PPARD: variants seen among roughly 807,000 people sequenced by gnomAD.
The protein encoded by PPARD is peroxisome proliferator-activated receptor delta.
PPARD carries 6 observed loss-of-function variants against 39.5 expected under a neutral mutation model. The observed-to-expected ratio is 0.15, with a 90% confidence interval of 0.08 to 0.30. The LOEUF (loss-of-function observed/expected upper bound fraction) is 0.30. Ranked by LOEUF, PPARD falls within the 10% of genes least tolerant of loss-of-function variation. PPARD has a pLI of 1.00. For missense variants in PPARD, 397 were observed against 596.8 expected (o/e 0.67, Z 3.49); for synonymous variants, 210 against 231.3 (o/e 0.91, Z 0.83).
chr6:35,348,265 TA>T (rs1452607199), intron 2 of PPARD: 17 of 849,448 alleles, frequency 2.0e-5, no homozygotes, highest in Non-Finnish European at 2.1e-5. Context: ...ATGATAATAG[TA>T]AAAAACAGAT....
At chr6:35,406,363 G>T (rs563526661) in intron 2 of PPARD, among the ~76,000 whole-genome samples, 26 of 152,322 alleles carry the variant, frequency 1.7e-4, no homozygotes, top group African/African-American at 6.3e-4. Flanking sequence ...AGGGGAGAGA[G>T]CCTAGGGGTC....
chr6:35,388,667 G>A (rs1581605065), intron 2 of PPARD, among the ~76,000 whole-genome samples: 1 of 151,670 alleles, frequency 6.6e-6, no homozygotes, highest in South Asian at 2.1e-4. Flanking sequence ...AGCCGAGATC[G>A]CGCCACTGCA....
chr6:35,425,400 A>T lies in PPARD; in HGVS notation c.1079-432A>T. 1 of 1,043,354 alleles carries T rather than the reference A, an allele frequency of 9.6e-7. No individual in the cohort carries two copies. Among genetic ancestry groups the T allele is most frequent in the Non-Finnish European group, 1.2e-6 (1 of 866,530 alleles). The allele number at this position is 1,043,354 out of a possible 1,614,324, so 64.6% of individuals were successfully genotyped here. A position where few individuals can be genotyped will look rare whatever the true frequency, so the allele number is the denominator to read the frequency against. On this transcript the variant is annotated intron_variant, in intron 7 of 7. Coordinates refer to ENST00000360694, the MANE Select transcript of PPARD (RefSeq NM_006238.5). This position sits in a 1 kb window ranked among gnomAD's most constrained non-coding sequence, Gnocchi z 4.5. ...AATACAATAATAACTATGCTAACTAACAGTGGTCTAGAGCTTACTTCATGC... is the reference window on the plus strand; with the variant it reads ...AATACAATAATAACTATGCTAACTATCAGTGGTCTAGAGCTTACTTCATGC...
At chr6:35,353,611 G>A (rs1406691567) in intron 2 of PPARD, among the ~76,000 whole-genome samples, 2 of 152,176 alleles carry the variant, frequency 1.3e-5, no homozygotes, top group Non-Finnish European at 2.9e-5. Flanking sequence ...TTTCAAATAC[G>A]CTTCAGTTTC....
At position 35,411,103 on chromosome 6, in the gene PPARD, G is replaced by A; in HGVS notation, c.16G>A (p.Glu6Lys). 1 of 1,562,670 alleles carries A rather than the reference G, an allele frequency of 6.4e-7. No individual in the cohort carries two copies. Among genetic ancestry groups the A allele is most frequent in the Non-Finnish European group, 8.7e-7 (1 of 1,153,566 alleles). ...GAGATCAGCCATGGAGCAGCCACAG[G>A]AGGAAGCCCCTGAGGTCCGGGAAGA... MEQPQ[E>K]EAPEVREEEE... Residue 6 changes from glutamate to lysine, a missense_variant, in exon 3 of 8, where the codon GAG becomes AAG. Glu to Lys is a moderately conservative substitution (Grantham distance 56). Coordinates refer to ENST00000360694, the MANE Select transcript of PPARD (RefSeq NM_006238.5).
chr6:35,401,466 T>G lies in PPARD; in HGVS notation c.-101-9521T>G, dbSNP rs533001224. 1.5e-4 allele frequency among the ~76,000 whole-genome samples: 23 copies of G among 152,150 alleles called. No individual in the cohort carries two copies. Among genetic ancestry groups the G allele is most frequent in the Non-Finnish European group, 2.8e-4 (19 of 68,024 alleles). Reference sequence around the variant, plus strand: ...CCTCCCCATCCTCTTCATAACCCCCTTGGCTCTCTGCTCCTCCCAGAATAA... The same window carrying G: ...CCTCCCCATCCTCTTCATAACCCCCGTGGCTCTCTGCTCCTCCCAGAATAA... On this transcript the variant is annotated intron_variant, in intron 2 of 7. Coordinates refer to ENST00000360694, the MANE Select transcript of PPARD (RefSeq NM_006238.5). This position sits in a 1 kb window ranked among gnomAD's most constrained non-coding sequence, Gnocchi z 4.1.
intron 2 of PPARD, among the ~76,000 whole-genome samples, chr6:35,382,883 G>T (rs1017879666): frequency 6.6e-6 from 1 of 152,192 alleles, no homozygotes; most frequent in African/African-American, 2.4e-5. Context: ...GAAGCATTCA[G>T]TATGTGTTGT....
intron 2 of PPARD, among the ~76,000 whole-genome samples, chr6:35,376,164 G>C (rs1762804791): frequency 6.6e-6 from 1 of 152,150 alleles, no homozygotes; most frequent in South Asian, 2.1e-4. Context: ...GCTTTACACA[G>C]AGTTTCTGTA....
chr6:35,388,080 A>T (rs1409907909), intron 2 of PPARD, among the ~76,000 whole-genome samples: 2 of 149,114 alleles, frequency 1.3e-5, no homozygotes, highest in Non-Finnish European at 3.0e-5. Context: ...TGTTAGGTGG[A>T]CTGTGGCTTA....
chr6:35,366,292 G>A lies in PPARD; in HGVS notation c.-102+19142G>A, dbSNP rs1194972353. Among the ~76,000 whole-genome samples, 1 of 151,714 alleles carries A rather than the reference G, an allele frequency of 6.6e-6. No homozygotes were observed. Among genetic ancestry groups the A allele is most frequent in the East Asian group, 1.9e-4 (1 of 5,200 alleles). On this transcript the variant is annotated intron_variant, in intron 2 of 7. Coordinates refer to ENST00000360694, the MANE Select transcript of PPARD (RefSeq NM_006238.5). This position sits in a 1 kb window ranked among gnomAD's most constrained non-coding sequence, Gnocchi z 4.6. ...AGCAAGTTGCAGTAAGGATAGGATT[G>A]GCCAAGGCAACAGATGGAGCCATGA...
chr6:35,423,998 G>T lies in PPARD; in HGVS notation c.477G>T (p.Gly159=). ...PEAEKRKLVA[G]LTANEGSQYN... is the part of the protein sequence containing the mutation. Reference sequence around the variant, plus strand: ...CTGAGAAGAGGAAGCTGGTGGCAGGGCTGACTGCAAACGAGGGGAGCCAGT... The same window carrying T: ...CTGAGAAGAGGAAGCTGGTGGCAGGTCTGACTGCAAACGAGGGGAGCCAGT... Residue 159 remains glycine (G), a synonymous_variant, in exon 6 of 8, where the codon GGG becomes GGT. Transcript: ENST00000360694. The T allele has an allele frequency of 6.2e-7, 1 of 1,614,210 alleles. No homozygotes were observed. Among genetic ancestry groups the T allele is most frequent in the South Asian group, 1.1e-5 (1 of 91,088 alleles).
At chr6:35,355,475 C>T (rs570181719) in intron 2 of PPARD, among the ~76,000 whole-genome samples, 15 of 144,300 alleles carry the variant, frequency 1.0e-4, no homozygotes, top group African/African-American at 3.2e-4. Flanking sequence ...TCACTCAAGC[C>T]GAGGAGGTTG....
Position 35,425,780 on chromosome 6 carries a change from G to A in PPARD, c.1079-52G>A. Reference sequence around the variant, plus strand: ...CAAGTCACCTCTTGGGGTGGAAGTAGGGGAGCTCCACTGCCTTTCTGAGCT... The same window carrying A: ...CAAGTCACCTCTTGGGGTGGAAGTAAGGGAGCTCCACTGCCTTTCTGAGCT... On this transcript the variant is annotated intron_variant, in intron 7 of 7. Transcript: ENST00000360694. This position sits in a 1 kb window ranked among gnomAD's most constrained non-coding sequence, Gnocchi z 4.5. 1 of 1,597,640 alleles carries A rather than the reference G, an allele frequency of 6.3e-7. No individual in the cohort carries two copies.
At chr6:35,388,063 T>C (rs1048413316) in intron 2 of PPARD, among the ~76,000 whole-genome samples, 5 of 150,634 alleles carry the variant, frequency 3.3e-5, no homozygotes, top group Non-Finnish European at 5.9e-5. Context: ...GTTGTACATA[T>C]GATGTATGTT....
At chr6:35,344,815 A>G (rs909717572) in intron 1 of PPARD, among the ~76,000 whole-genome samples, 61 of 152,300 alleles carry the variant, frequency 4.0e-4, no homozygotes, top group Admixed American at 2.1e-3. Context: ...TGTGAAAGCA[A>G]TAGGATTGTG....
intron 2 of PPARD, among the ~76,000 whole-genome samples, chr6:35,358,475 A>G (rs529268207): frequency 6.6e-6 from 1 of 152,338 alleles, no homozygotes; most frequent in East Asian, 1.9e-4. Flanking sequence ...GCAGTAGGAA[A>G]CTAATACAGG....
intron 1 of PPARD, among the ~76,000 whole-genome samples, chr6:35,345,916 G>T (rs1419979807): frequency 1.5e-5 from 2 of 133,806 alleles, no homozygotes; most frequent in African/African-American, 5.8e-5. Flanking sequence ...TCGCTCTGTC[G>T]CCCAGGCTGG....
At chr6:35,382,308 T>C (rs558817492) in intron 2 of PPARD, among the ~76,000 whole-genome samples, 6 of 152,304 alleles carry the variant, frequency 3.9e-5, no homozygotes, top group Middle Eastern at 3.4e-3. Flanking sequence ...GGGGTCGTTG[T>C]CAGGAGGCAT....
Position 35,366,829 on chromosome 6 carries a change from C to T in PPARD, c.-102+19679C>T, listed in dbSNP as rs1330834677. On this transcript the variant is annotated intron_variant, in intron 2 of 7. Transcript: ENST00000360694. The surrounding 1 kb of genome is among the most constrained non-coding windows in gnomAD (Gnocchi z 4.6). ...CCTCCCAAAGTGCTGGGATTATGGG[C>T]GTGAGCCGCTGCATCCGGCCTCTGT... Among the ~76,000 whole-genome samples the T allele has an allele frequency of 1.3e-5, 2 of 152,182 alleles. No homozygotes were observed. Among genetic ancestry groups the T allele is most frequent in the African/African-American group, 4.8e-5 (2 of 41,440 alleles).
Sources: gnomAD v4.1 joint callset for allele counts (sites outside exome capture counted in the v4.1 genomes callset) on GRCh38, gnomAD v4.1.1 for gene constraint, Gnocchi (gnomAD v3.1) non-coding constraint, MANE v1.5 for transcripts, NCBI Gene and HGNC (gene_info 2026-07-23, HGNC 2026-07-21) for gene names.